Variants in PMS2 observed in about 807,000 individuals in gnomAD.
PMS2 encodes mismatch repair endonuclease PMS2.
In PMS2, 69 loss-of-function variants were observed where a neutral mutation model predicts 90.0. The ratio of observed to expected loss-of-function variants is 0.77; its 90% confidence interval spans 0.63 to 0.94. The LOEUF (loss-of-function observed/expected upper bound fraction) is 0.94. PMS2 is among the 40% of genes least tolerant of loss of function. The pLI, the probability that PMS2 is intolerant of heterozygous loss-of-function variation, is 0.00. For missense variants in PMS2, 966 were observed against 1,040.2 expected (o/e 0.93, Z 0.98); for synonymous variants, 332 against 375.1 (o/e 0.89, Z 1.33).
At chr7:5,995,326 T>G (rs1375166699) in intron 8 of PMS2, among the ~76,000 whole-genome samples, 1 of 152,150 alleles carries the variant, frequency 6.6e-6, no homozygotes. Flanking sequence ...CATGAGCCAC[T>G]GCGCCCGGAC....
At chr7:5,998,989 C>A (rs1440152324) in intron 6 of PMS2, 119 bp downstream of exon 6, 24 of 861,680 alleles carry the variant, frequency 2.8e-5, no homozygotes, top group African/African-American at 1.7e-4. Context: ...GACTCCCTCT[C>A]AAAAAAAAAA....
At chr7:6,008,882 C>T in intron 1 of PMS2, 115 bp downstream of exon 1, 2 of 1,311,944 alleles carry the variant, frequency 1.5e-6, no homozygotes, top group Non-Finnish European at 2.2e-6. Context: ...CTCCAGGGGG[C>T]TGCCTCGCCA....
chr7:6,008,883 T>C lies in PMS2; in HGVS notation c.23+114A>G. ...CGCCACTCCGGGGCCTCCAGGGGGCTGCCTCGCCACGCGCCTCGGCCATGT... is the reference window on the plus strand; with the variant it reads ...CGCCACTCCGGGGCCTCCAGGGGGCCGCCTCGCCACGCGCCTCGGCCATGT... On this transcript the variant is annotated intron_variant, in intron 1 of 14. Coordinates refer to ENST00000265849, the MANE Select transcript of PMS2 (RefSeq NM_000535.7). 3.0e-6 allele frequency: 4 copies of C among 1,325,874 alleles called. No individual in the cohort carries two copies. The South Asian group carries it at 4.7e-5, about 16-fold the overall frequency. 82.1% of individuals were successfully genotyped at this position (1,325,874 alleles called of 1,614,324 possible).
At chr7:6,007,264 C>A (rs1785895149) in intron 1 of PMS2, among the ~76,000 whole-genome samples, 2 of 152,142 alleles carry the variant, frequency 1.3e-5, no homozygotes, top group Non-Finnish European at 2.9e-5. Context: ...TACAGGCGCC[C>A]ACCATCACAC....
At position 5,977,776 on chromosome 7, in the gene PMS2, G is replaced by C. The variant is rs1176555471; in HGVS notation, c.2276-19C>G. On this transcript the variant is annotated intron_variant, in intron 13 of 14. Coordinates refer to ENST00000265849, the MANE Select transcript of PMS2 (RefSeq NM_000535.7). Reference sequence around the variant, plus strand: ...ACTGGAGCTAAAAGAATACAATTTTGAGAAAAATCCATGACTTGACAAACA... The same window carrying C: ...ACTGGAGCTAAAAGAATACAATTTTCAGAAAAATCCATGACTTGACAAACA... The C allele has an allele frequency of 6.3e-7, 1 of 1,591,522 alleles. No individual in the cohort carries two copies. The highest frequency in any genetic ancestry group is 8.6e-7 in the Non-Finnish European group (1 of 1,161,860).
intron 9 of PMS2, among the ~76,000 whole-genome samples, chr7:5,990,249 C>A (rs1783588138): frequency 6.6e-6 from 1 of 152,218 alleles, no homozygotes; most frequent in Admixed American, 6.5e-5. Context: ...CTCAAGTGAT[C>A]CACCCGCCTT....
intron 8 of PMS2, 101 bp downstream of exon 8, chr7:5,995,433 A>G: frequency 1.3e-6 from 1 of 758,648 alleles, no homozygotes; most frequent in Middle Eastern, 2.3e-4. Flanking sequence ...CATGTTTCTC[A>G]AAGTCCCGAG....
chr7:5,975,973 G>A (rs1404540288), intron 14 of PMS2, among the ~76,000 whole-genome samples: 1 of 140,126 alleles, frequency 7.1e-6, no homozygotes, highest in Non-Finnish European at 1.6e-5. Context: ...AGGTGCGGTG[G>A]CTCACGCCTG....
rs143340522 is a variant in PMS2, at chr7:5,977,683, C to G, written c.2350G>C (p.Asp784His). The G allele has an allele frequency of 6.2e-7, 1 of 1,606,046 alleles. No homozygotes were observed. The highest frequency in any genetic ancestry group is 8.5e-7 in the Non-Finnish European group (1 of 1,174,792). ...TCGCTCAGCATGAAGATCAGTTCAT[C>G]GACGTCCTGGGGTCCGAAGGTCCAG... ...KNWTFGPQDV[D>H]ELIFMLSDSP... Residue 784 changes from aspartate (D) to histidine (H), a missense_variant, in exon 14 of 15, where the codon GAT becomes CAT. Asp to His is a moderately conservative substitution (Grantham distance 81). Transcript: ENST00000265849.
At position 6,002,604 on chromosome 7, in the gene PMS2, G is replaced by A. The variant is rs752284380; in HGVS notation, c.386C>T (p.Ala129Val). The A allele has an allele frequency of 7.4e-6, 12 of 1,611,754 alleles. 1 individual carries two copies. In the South Asian group the frequency reaches 9.9e-5, roughly 13 times the overall value. ...DVTISTCHAS[A>V]KVGTRLMFDH... ...AAACATCAGTCGAGTTCCAACCTTC[G>A]CCGATGCGTGGCAGGTAGAAATGGT... Residue 129 changes from alanine (A) to valine (V), a missense_variant, in exon 5 of 15, where the codon GCG becomes GTG. Ala to Val is a moderately conservative substitution (Grantham distance 64). Transcript: ENST00000265849.
At position 5,972,976 on chromosome 7, in the gene PMS2, G is replaced by A. The variant is rs1294045213; in HGVS notation, c.*423C>T. On this transcript the variant is annotated 3_prime_UTR_variant, in exon 15 of 15. Coordinates refer to ENST00000265849, the MANE Select transcript of PMS2 (RefSeq NM_000535.7). ...CTCCTGCCTCAGCCTCCTGGGTAGC[G>A]GGGATTACAGGCATGCGCCAGCACA... 2.8e-5 allele frequency among the ~76,000 whole-genome samples: 3 copies of A among 109,038 alleles called. No individual in the cohort carries two copies. The highest frequency in any genetic ancestry group is 5.7e-5 in the Non-Finnish European group (3 of 52,612). 71.5% of individuals were successfully genotyped at this position (109,038 alleles called of 152,430 possible). A position where few individuals can be genotyped will look rare whatever the true frequency, so the allele number is the denominator to read the frequency against.
At chr7:5,977,971 T>A (rs1419605625) in intron 13 of PMS2, among the ~76,000 whole-genome samples, 1 of 149,896 alleles carries the variant, frequency 6.7e-6, no homozygotes, top group Non-Finnish European at 1.5e-5. Context: ...ATAGAAAAAA[T>A]TAGCTGGGTG....
chr7:6,007,087 CATT>C (rs10592354), intron 1 of PMS2, among the ~76,000 whole-genome samples: 108,019 of 147,278 alleles, frequency 0.73, 39,897 homozygotes, highest in Middle Eastern at 0.77. Context: ...AAGTCCCCTA[CATT>C]ATTATTATTA....
rs1371464429 is a variant in PMS2, at chr7:5,973,031, C to T, written c.*368G>A. Reference sequence around the variant, plus strand: ...GCTAATTTTGTATTTTTAGTAGAGGCAGGGTTTCTCCATGTTGGTCAGGCT... The same window carrying T: ...GCTAATTTTGTATTTTTAGTAGAGGTAGGGTTTCTCCATGTTGGTCAGGCT... On this transcript the variant is annotated 3_prime_UTR_variant, in exon 15 of 15. Transcript: ENST00000265849. Among the ~76,000 whole-genome samples, 2 of 129,262 alleles carry T rather than the reference C, an allele frequency of 1.5e-5. 1 individual carries two copies. Among genetic ancestry groups the T allele is most frequent in the Non-Finnish European group, 3.3e-5 (2 of 60,382 alleles). The allele number at this position is 129,262 out of a possible 152,430, so 84.8% of individuals were successfully genotyped here.
chr7:5,992,336 T>C (rs1783860565), intron 8 of PMS2, among the ~76,000 whole-genome samples: 1 of 151,568 alleles, frequency 6.6e-6, no homozygotes, highest in Non-Finnish European at 1.5e-5. Context: ...CTTTTTTTTT[T>C]TCAACGGAGT....
chr7:6,007,024 T>C (rs751649385), intron 1 of PMS2, among the ~76,000 whole-genome samples: 16 of 152,284 alleles, frequency 1.1e-4, no homozygotes, highest in Middle Eastern at 3.4e-3. Context: ...TTAGTCATCA[T>C]TGGGGCCAAA....
intron 5 of PMS2, among the ~76,000 whole-genome samples, chr7:6,001,789 G>C (rs1172309370): frequency 6.6e-6 from 1 of 151,696 alleles, no homozygotes; most frequent in Admixed American, 6.6e-5. Context: ...TTCGAGACCA[G>C]CCTGGCCAGC....
chr7:6,007,819 A>T (rs1247878758), intron 1 of PMS2, among the ~76,000 whole-genome samples: 1 of 149,712 alleles, frequency 6.7e-6, no homozygotes, highest in African/African-American at 2.5e-5. Flanking sequence ...AAATAAGTTT[A>T]TTTGGCAGCA....
At chr7:5,988,929 C>A (rs1460467388) in intron 10 of PMS2, among the ~76,000 whole-genome samples, 1 of 152,206 alleles carries the variant, frequency 6.6e-6, no homozygotes, top group East Asian at 2.0e-4. Context: ...AATCTTGGCT[C>A]ACTGCAAGCC....
Sources: allele counts gnomAD v4.1 joint callset (sites outside exome capture counted in the v4.1 genomes callset), GRCh38; gene constraint gnomAD v4.1.1; transcripts MANE v1.5; gene names NCBI Gene and HGNC (gene_info 2026-07-23, HGNC 2026-07-21).